NUBPL: variants seen among roughly 807,000 people sequenced by gnomAD.
NUBPL encodes iron-sulfur cluster transfer protein NUBPL.
A neutral mutation model predicts 45.7 loss-of-function variants in NUBPL; 31 were observed. The ratio of observed to expected loss-of-function variants is 0.68; its 90% CI spans 0.51 to 0.92. The LOEUF is 0.92. NUBPL is among the 40% of genes least tolerant of loss of function. The pLI is 0.00. For missense variants in NUBPL, 401 were observed against 398.7 expected (o/e 1.01, Z -0.05); for synonymous variants, 144 against 140.9 (o/e 1.02, Z -0.15).
At chr14:31,816,034 A>T (rs922601681) in intron 7 of NUBPL, among the ~76,000 whole-genome samples, 17 of 152,210 alleles carry the variant, frequency 1.1e-4, no homozygotes, top group African/African-American at 4.1e-4. Flanking sequence ...TGGTATCAGG[A>T]TGATGCTGGC....
At chr14:31,585,456 C>G (rs1435373685) in intron 3 of NUBPL, among the ~76,000 whole-genome samples, 1 of 152,178 alleles carries the variant, frequency 6.6e-6, no homozygotes, top group Non-Finnish European at 1.5e-5. Flanking sequence ...AGTCGATGGA[C>G]ATTGGAGTTG....
intron 6 of NUBPL, among the ~76,000 whole-genome samples, chr14:31,715,044 A>C (rs11156700): frequency 1 from 151,580 of 152,328 alleles, 75,424 homozygotes; most frequent in Middle Eastern, 1. Flanking sequence ...CATCTACCAT[A>C]TACTTCTGTT....
chr14:31,594,533 G>A (rs1481692743), intron 3 of NUBPL, among the ~76,000 whole-genome samples: 1 of 151,676 alleles, frequency 6.6e-6, no homozygotes, highest in East Asian at 1.9e-4. Flanking sequence ...CTCCTCTCAG[G>A]TTGTGTTCCA....
intron 4 of NUBPL, among the ~76,000 whole-genome samples, chr14:31,606,896 G>A (rs1245918825): frequency 6.6e-6 from 1 of 152,132 alleles, no homozygotes; most frequent in Admixed American, 6.5e-5. Context: ...GTATCCAAAT[G>A]TAGTTATTTA....
At position 31,562,169 on chromosome 14, in the gene NUBPL, A is replaced by G; in HGVS notation, c.210A>G (p.Ile70Met). The change falls in exon 2 of 11, where the codon ATA becomes ATG. Residue 70 changes from isoleucine to methionine, a missense_variant. Ile to Met is a conservative substitution (Grantham distance 10). Transcript: ENST00000281081. ...CGATAGAAGGTGTTAAACAAGTTAT[A>G]GTTGTGGCTTCTGGAAAGGGTGGAG... ...QKPIEGVKQVIVVASGKGGVG... is the reference protein window; with the variant it reads ...QKPIEGVKQVMVVASGKGGVG... 6.2e-7 allele frequency: 1 copy of G among 1,614,128 alleles called. No homozygotes were observed. Among genetic ancestry groups the G allele is most frequent in the Non-Finnish European group, 8.5e-7 (1 of 1,179,956 alleles).
chr14:31,626,536 G>C (rs2035211927), intron 4 of NUBPL, among the ~76,000 whole-genome samples: 1 of 152,188 alleles, frequency 6.6e-6, no homozygotes, highest in East Asian at 1.9e-4. Context: ...ATTCCAGGCA[G>C]AGATTGGAAA....
At chr14:31,714,244 C>A (rs1404731902) in intron 6 of NUBPL, among the ~76,000 whole-genome samples, 1 of 151,972 alleles carries the variant, frequency 6.6e-6, no homozygotes, top group African/African-American at 2.4e-5. Context: ...ATCAACTTGG[C>A]AGTGGTAGCC....
intron 4 of NUBPL, among the ~76,000 whole-genome samples, chr14:31,667,566 T>G: frequency 6.6e-6 from 1 of 152,230 alleles, no homozygotes; most frequent in East Asian, 1.9e-4. Flanking sequence ...TTCGTCATAC[T>G]CTTCTCTGTT....
rs1482436955 is a variant in NUBPL at position 31,785,315 on chromosome 14, T to C, written c.514-2465T>C. ...TCCCAACCCTTAGCCCACAGACCAGTACCAGACCATGGTCTGTTAGGAACT... is the reference window on the plus strand; with the variant it reads ...TCCCAACCCTTAGCCCACAGACCAGCACCAGACCATGGTCTGTTAGGAACT... On this transcript the variant is annotated intron_variant, in intron 6 of 10. Coordinates refer to ENST00000281081, the MANE Select transcript of NUBPL (RefSeq NM_025152.3). Among the ~76,000 whole-genome samples the C allele has an allele frequency of 3.3e-5, 5 of 152,228 alleles. No homozygotes were observed. The East Asian group carries it at 9.6e-4, about 29-fold the overall frequency.
intron 6 of NUBPL, among the ~76,000 whole-genome samples, chr14:31,675,061 C>T (rs866962621): frequency 2.7e-5 from 4 of 150,762 alleles, no homozygotes; most frequent in South Asian, 4.2e-4. Context: ...GGCGTGAACC[C>T]GGGAGGCGGA....
Position 31,756,235 on chromosome 14 carries a change from G to A in NUBPL, c.514-31545G>A, listed in dbSNP as rs61994398. ...AAAGTAGTTTTTTCGAATTCTGTGA[G>A]GAAAGTCATTGGTAGCTTGATGAGG... On this transcript the variant is annotated intron_variant, in intron 6 of 10. Coordinates refer to ENST00000281081, the MANE Select transcript of NUBPL (RefSeq NM_025152.3). 2.6e-3 allele frequency among the ~76,000 whole-genome samples: 393 copies of A among 152,210 alleles called. 1 individual carries two copies. The highest frequency in any genetic ancestry group is 8.4e-3 in the Admixed American group (129 of 15,294).
intron 6 of NUBPL, among the ~76,000 whole-genome samples, chr14:31,776,610 T>A (rs1171471999): frequency 6.6e-6 from 1 of 152,186 alleles, no homozygotes; most frequent in Non-Finnish European, 1.5e-5. Context: ...TCCAAGCACT[T>A]AGGTTCTGCC....
At chr14:31,695,205 C>T (rs1051950248) in intron 6 of NUBPL, among the ~76,000 whole-genome samples, 1 of 152,122 alleles carries the variant, frequency 6.6e-6, no homozygotes, top group Non-Finnish European at 1.5e-5. Context: ...TTAGAAACAG[C>T]CTATGAATAT....
intron 6 of NUBPL, among the ~76,000 whole-genome samples, chr14:31,710,476 C>T (rs907677756): frequency 4.6e-5 from 7 of 152,186 alleles, no homozygotes; most frequent in South Asian, 2.1e-4. Context: ...TAAGGAAGGT[C>T]GGATTTAGTG....
intron 6 of NUBPL, among the ~76,000 whole-genome samples, chr14:31,710,094 C>CAG (rs959838730): frequency 1.3e-5 from 2 of 152,088 alleles, no homozygotes; most frequent in African/African-American, 4.8e-5. Context: ...TTTTCCCCAT[C>CAG]AGAGAGAGAG....
At position 31,826,648 on chromosome 14, in the gene NUBPL, G is replaced by T. The variant is rs76401646; in HGVS notation, c.627G>T (p.Thr209=). The stretch of plus-strand genomic sequence containing the variant: ...GGCTAGGTGCTGTGATTGTCTCCAC[G>T]CCCCAGGACATCGCATTGATGGATG... ...IPITGAVIVS[T]PQDIALMDAH... The change falls in exon 8 of 11, where the codon ACG becomes ACT. Residue 209 remains threonine, a synonymous_variant. Transcript: ENST00000281081. 6.2e-7 allele frequency: 1 copy of T among 1,614,048 alleles called. No individual in the cohort carries two copies.
chr14:31,622,656 G>A (rs1442652230), intron 4 of NUBPL, among the ~76,000 whole-genome samples: 1 of 152,238 alleles, frequency 6.6e-6, no homozygotes, highest in African/African-American at 2.4e-5. Context: ...TTCAGAGGGT[G>A]CACACTCCAA....
chr14:31,584,584 A>G (rs566545064), intron 3 of NUBPL, among the ~76,000 whole-genome samples: 29 of 152,298 alleles, frequency 1.9e-4, no homozygotes, highest in African/African-American at 6.3e-4. Context: ...AAGAAACCCC[A>G]TACCCCTGAA....
chr14:31,674,436 G>T (rs1344872293), intron 6 of NUBPL, among the ~76,000 whole-genome samples: 2 of 152,006 alleles, frequency 1.3e-5, no homozygotes, highest in Non-Finnish European at 2.9e-5. Flanking sequence ...TTTGCTGCTT[G>T]AATTGTGATA....
Sources: gnomAD v4.1 joint callset for allele counts (sites outside exome capture counted in the v4.1 genomes callset) on GRCh38, gnomAD v4.1.1 for gene constraint, MANE v1.5 for transcripts, NCBI Gene and HGNC (gene_info 2026-07-23, HGNC 2026-07-21) for gene names.